The following HYAL1 variants were observed in gnomAD, a reference collection of about 807,000 sequenced individuals.
HYAL1 encodes hyaluronidase 1.
Under a neutral mutation model 28.8 loss-of-function variants are expected in HYAL1, and 21 were observed. That is an observed-to-expected ratio of 0.73 (90% CI 0.52 to 1.05). The LOEUF is 1.05. Ranked by LOEUF, HYAL1 falls within the 50% of genes least tolerant of loss-of-function variation. The pLI, the probability that HYAL1 is intolerant of heterozygous loss-of-function variation, is 0.00. For missense variants in HYAL1, 491 were observed against 579.2 expected (o/e 0.85, Z 1.56); for synonymous variants, 200 against 230.1 (o/e 0.87, Z 1.18).
rs1041537653 is a variant in HYAL1 at position 50,300,375 on chromosome 3, C to G, written c.*108G>C. 1 of 1,120,748 alleles carries G rather than the reference C, an allele frequency of 8.9e-7. No homozygotes were observed. The allele number at this position is 1,120,748 out of a possible 1,614,324, so 69.4% of individuals were successfully genotyped here. A position where few individuals can be genotyped will look rare whatever the true frequency, so the allele number is the denominator to read the frequency against. ...ATGCCTGTGACAGTGGCTGAGTGTACTCTTTACTGTGACCATGACTTGTAT... is the reference window on the plus strand; with the variant it reads ...ATGCCTGTGACAGTGGCTGAGTGTAGTCTTTACTGTGACCATGACTTGTAT... On this transcript the variant is annotated 3_prime_UTR_variant, in exon 4 of 4. Coordinates refer to ENST00000395144, the MANE Select transcript of HYAL1 (RefSeq NM_033159.4).
In HYAL1 at chr3:50,300,987, C is replaced by T; in HGVS notation, c.990+1G>A. ...CACCCTCATGCCAGGCCTAAGCTCA[C>T]CTTGGTTCTTGTATTTTCCCAGCTC... is the stretch of plus-strand genomic sequence containing the variant. On this transcript the variant is annotated splice_donor_variant, in intron 3 of 3. Transcript: ENST00000395144. LOFTEE classifies it high-confidence loss of function. The T allele has an allele frequency of 6.9e-7, 1 of 1,459,072 alleles. No individual in the cohort carries two copies. The highest frequency in any genetic ancestry group is 1.8e-4 in the Middle Eastern group (1 of 5,596). The allele number at this position is 1,459,072 out of a possible 1,614,324, so 90.4% of individuals were successfully genotyped here. A position where few individuals can be genotyped will look rare whatever the true frequency, so the allele number is the denominator to read the frequency against.
chr3:50,302,582 C>T lies in HYAL1; in HGVS notation c.375G>A (p.Leu125=). The T allele has an allele frequency of 6.2e-7, 1 of 1,614,190 alleles. No individual in the cohort carries two copies. Among genetic ancestry groups the T allele is most frequent in the Non-Finnish European group, 8.5e-7 (1 of 1,180,032 alleles). The part of the protein sequence containing the change: ...AAIPAPDFSG[L]AVIDWEAWRP... ...GCCATGCCTCCCAGTCGATGACTGC[C>T]AGCCCTGAGAAGTCAGGAGCAGGTA... Residue 125 remains leucine (L), a synonymous_variant, in exon 2 of 4, where the codon CTG becomes CTA. Coordinates refer to ENST00000395144, the MANE Select transcript of HYAL1 (RefSeq NM_033159.4). This position sits in a 1 kb window ranked among gnomAD's most constrained non-coding sequence, Gnocchi z 5.0.
chr3:50,306,310 T>G (rs782223511), upstream of HYAL1, among the ~76,000 whole-genome samples: 1 of 142,406 alleles, frequency 7.0e-6, no homozygotes, highest in Non-Finnish European at 1.5e-5. Flanking sequence ...GGCAGGTAAC[T>G]CCTTTATGGA....
Position 50,311,597 on chromosome 3 carries a change from C to T in HYAL1, c.-310+667G>A, listed in dbSNP as rs1327460610. Among the ~76,000 whole-genome samples the T allele has an allele frequency of 4.6e-5, 6 of 130,602 alleles. 1 individual carries two copies. Among genetic ancestry groups the T allele is most frequent in the Non-Finnish European group, 8.2e-5 (5 of 61,040 alleles). The allele number at this position is 130,602 out of a possible 152,430, so 85.7% of individuals were successfully genotyped here. A position where few individuals can be genotyped will look rare whatever the true frequency, so the allele number is the denominator to read the frequency against. ...CTGACCCCCCCACCTCCCTCCCGGA[C>T]GGGGCGGCTGGCCGGGCGGGGGGCT... On this transcript the variant is annotated intron_variant, in intron 1 of 5. Coordinates refer to the HYAL1 transcript ENST00000320295.
In HYAL1 at chr3:50,300,409, A is replaced by C. The variant is rs1452110068; in HGVS notation, c.*74T>G. 2 of 1,420,444 alleles carry C rather than the reference A, an allele frequency of 1.4e-6. No homozygotes were observed. The highest frequency in any genetic ancestry group is 2.8e-5 in the African/African-American group (2 of 71,208). The allele number at this position is 1,420,444 out of a possible 1,614,324, so 88.0% of individuals were successfully genotyped here. ...GTGACCATGACTTGTATGACTGTGC[A>C]TGTATTTGAGGAAGCCCTGGCCAGA... On this transcript the variant is annotated 3_prime_UTR_variant, in exon 4 of 4. Coordinates refer to ENST00000395144, the MANE Select transcript of HYAL1 (RefSeq NM_033159.4).
rs1553712316 is a variant in HYAL1, at chr3:50,300,366, C to G, written c.*117G>C. 2 of 1,010,680 alleles carry G rather than the reference C, an allele frequency of 2.0e-6. No homozygotes were observed. Among genetic ancestry groups the G allele is most frequent in the African/African-American group, 3.1e-5 (2 of 63,502 alleles). The allele number at this position is 1,010,680 out of a possible 1,614,324, so 62.6% of individuals were successfully genotyped here. ...GCAGGGAATATGCCTGTGACAGTGGCTGAGTGTACTCTTTACTGTGACCAT... is the reference window on the plus strand; with the variant it reads ...GCAGGGAATATGCCTGTGACAGTGGGTGAGTGTACTCTTTACTGTGACCAT... On this transcript the variant is annotated 3_prime_UTR_variant, in exon 4 of 4. Coordinates refer to ENST00000395144, the MANE Select transcript of HYAL1 (RefSeq NM_033159.4).
Position 50,300,563 on chromosome 3 carries a change from C to T in HYAL1, c.1228G>A (p.Ala410Thr). The change falls in exon 4 of 4, where the codon GCA (alanine) becomes ACA (threonine). Residue 410 changes from alanine to threonine, a missense_variant. Physicochemically the swap from Ala to Thr is moderately conservative, Grantham distance 58. Transcript: ENST00000395144. ...LRGALSLEDQ[A>T]QMAVEFKCRC... The stretch of plus-strand genomic sequence containing the variant: ...CATTTGAACTCCACAGCCATCTGTG[C>T]CTGATCTTCAAGTGAGAGGGCACCC... 6.2e-7 allele frequency: 1 copy of T among 1,614,258 alleles called. No individual in the cohort carries two copies. Among genetic ancestry groups the T allele is most frequent in the Non-Finnish European group, 8.5e-7 (1 of 1,180,044 alleles).
Position 50,302,059 on chromosome 3 carries a change from G to A in HYAL1, c.898C>T (p.Leu300=). The A allele has an allele frequency of 6.2e-7, 1 of 1,614,204 alleles. No homozygotes were observed. The stretch of plus-strand genomic sequence containing the variant: ...TGGGCAGGTTACAGAAGACTCACCA[G>A]GGGCAGAAAGTGGTTTGTCGTGTCA... ...FYDTTNHFLP[L]DELEHSLGES... The change falls in exon 2 of 4, where the codon CTG becomes TTG. Residue 300 remains leucine (L), a splice_region_variant and synonymous_variant. Coordinates refer to ENST00000395144, the MANE Select transcript of HYAL1 (RefSeq NM_033159.4). The surrounding 1 kb of genome is among the most constrained non-coding windows in gnomAD (Gnocchi z 5.0).
chr3:50,312,358 A>T (rs1440166623), exon 1 of HYAL1: 2 of 168,304 alleles, frequency 1.2e-5, no homozygotes, highest in Non-Finnish European at 2.6e-5. Flanking sequence ...ACGGGGCGAC[A>T]GGGCAGAGGC....
At chr3:50,307,797 A>G (rs1021553738), upstream of HYAL1, among the ~76,000 whole-genome samples, 1 of 146,854 alleles carries the variant, frequency 6.8e-6, no homozygotes, top group East Asian at 2.0e-4. Context: ...AAACCCAAAA[A>G]CTTTTTTTTT....
chr3:50,304,990 A>G (rs1316960316), upstream of HYAL1, among the ~76,000 whole-genome samples: 1 of 152,170 alleles, frequency 6.6e-6, no homozygotes, highest in Non-Finnish European at 1.5e-5. Context: ...TGAAAGGAAA[A>G]TATCTTGGGC....
intron 2 of HYAL1, among the ~76,000 whole-genome samples, chr3:50,308,884 C>T (rs1446857052): frequency 6.7e-6 from 1 of 150,204 alleles, no homozygotes; most frequent in Non-Finnish European, 1.5e-5. Flanking sequence ...GTGCACACCA[C>T]TACACCTGGC....
chr3:50,302,570 G>A lies in HYAL1; in HGVS notation c.387C>T (p.Asp129=), dbSNP rs1186033905. The A allele has an allele frequency of 3.1e-6, 5 of 1,614,144 alleles. No individual in the cohort carries two copies. The highest frequency in any genetic ancestry group is 4.2e-6 in the Non-Finnish European group (5 of 1,180,022). ...APDFSGLAVI[D]WEAWRPRWAF... is the part of the protein sequence containing the mutation. ...CCCAGCGTGGGCGCCATGCCTCCCA[G>A]TCGATGACTGCCAGCCCTGAGAAGT... Residue 129 remains aspartate (D), a synonymous_variant, in exon 2 of 4, where the codon GAC becomes GAT. Coordinates refer to ENST00000395144, the MANE Select transcript of HYAL1 (RefSeq NM_033159.4). This position sits in a 1 kb window ranked among gnomAD's most constrained non-coding sequence, Gnocchi z 5.0.
At chr3:50,311,908 C>A (rs587761264) in intron 1 of HYAL1, among the ~76,000 whole-genome samples, 213 of 148,500 alleles carry the variant, frequency 1.4e-3, no homozygotes, top group African/African-American at 4.6e-3. Context: ...ATCCCCCCTC[C>A]CCTCACGGAT....
rs782637684 is a variant in HYAL1 at position 50,302,542 on chromosome 3, A to T, written c.415T>A (p.Phe139Ile). 1 of 1,614,146 alleles carries T rather than the reference A, an allele frequency of 6.2e-7. No homozygotes were observed. The highest frequency in any genetic ancestry group is 8.5e-7 in the Non-Finnish European group (1 of 1,180,018). ...DWEAWRPRWA[F>I]NWDTKDIYRQ... ...TAAATGTCCTTGGTGTCCCAGTTGAAGGCCCAGCGTGGGCGCCATGCCTCC... is the reference window on the plus strand; with the variant it reads ...TAAATGTCCTTGGTGTCCCAGTTGATGGCCCAGCGTGGGCGCCATGCCTCC... Residue 139 changes from phenylalanine to isoleucine, a missense_variant, in exon 2 of 4, where the codon TTC becomes ATC. Physicochemically the swap from Phe to Ile is conservative, Grantham distance 21. Transcript: ENST00000395144. This position sits in a 1 kb window ranked among gnomAD's most constrained non-coding sequence, Gnocchi z 5.0.
At chr3:50,307,679 T>TC (rs1702360179), upstream of HYAL1, among the ~76,000 whole-genome samples, 1 of 40,896 alleles carries the variant, frequency 2.4e-5, no homozygotes, top group Non-Finnish European at 4.2e-5. Flanking sequence ...AGACTCCATC[T>TC]GAAAAAAAAA....
chr3:50,311,050 T>C (rs1297306298), intron 1 of HYAL1, among the ~76,000 whole-genome samples: 1 of 152,182 alleles, frequency 6.6e-6, no homozygotes, highest in Non-Finnish European at 1.5e-5. Context: ...TTTCCCCACC[T>C]TTCCCACCTT....
upstream of HYAL1, among the ~76,000 whole-genome samples, chr3:50,304,299 ATATAT>A (rs1702290552): frequency 1.9e-3 from 54 of 27,816 alleles, no homozygotes; most frequent in African/African-American, 5.6e-3. Flanking sequence ...AAAAAAAAAT[ATATAT>A]ATATATATAT....
rs782042919 is a variant in HYAL1, at chr3:50,302,393, C to T, written c.564G>A (p.Gln188=). ...AARAWMAGTL[Q]LGRALRPRGL... is the part of the protein sequence containing the mutation. The stretch of plus-strand genomic sequence containing the variant: ...CGCGAGGACGCAGTGCCCGCCCCAG[C>T]TGGAGGGTGCCTGCCATCCAGGCCC... The change falls in exon 2 of 4, where the codon CAG becomes CAA. Residue 188 remains glutamine, a synonymous_variant. Transcript: ENST00000395144. This position sits in a 1 kb window ranked among gnomAD's most constrained non-coding sequence, Gnocchi z 5.0. 1.2e-5 allele frequency: 19 copies of T among 1,613,846 alleles called. No individual in the cohort carries two copies. In the South Asian group the frequency reaches 2.1e-4, roughly 18 times the overall value.
Sources: gnomAD v4.1 joint callset for allele counts (sites outside exome capture counted in the v4.1 genomes callset) on GRCh38, gnomAD v4.1.1 for gene constraint, Gnocchi (gnomAD v3.1) non-coding constraint, MANE v1.5 for transcripts, NCBI Gene and HGNC (gene_info 2026-07-23, HGNC 2026-07-21) for gene names.